WRAP53: variants seen among roughly 807,000 people sequenced by gnomAD.
WRAP53 encodes the protein telomerase Cajal body protein 1.
A neutral mutation model predicts 56.6 loss-of-function variants in WRAP53; 28 were observed. The ratio of observed to expected loss-of-function variants is 0.50; its 90% CI spans 0.37 to 0.68. WRAP53 has a LOEUF of 0.68. Ranked by LOEUF, WRAP53 falls within the 30% of genes least tolerant of loss-of-function variation. The pLI is 0.00. For synonymous variants in WRAP53, 283 were observed against 283.4 expected (o/e 1.00, Z 0.01); for missense variants, 671 against 715.5 (o/e 0.94, Z 0.71).
Position 7,697,423 on chromosome 17 carries a change from C to T in WRAP53, c.643-3318C>T, listed in dbSNP as rs77694499. 4.8e-4 allele frequency among the ~76,000 whole-genome samples: 73 copies of T among 152,198 alleles called. 2 individuals are homozygous for T. In the East Asian group the frequency reaches 0.014, roughly 29 times the overall value. On this transcript the variant is annotated intron_variant, in intron 4 of 10. Transcript: ENST00000396463. ...ACCTGTAATCCCCACTTTGGGAGGC[C>T]GAGGTAGGCAGATCACTTGAGGCTG...
chr17:7,699,139 G>T (rs943348214), intron 4 of WRAP53, among the ~76,000 whole-genome samples: 4 of 151,558 alleles, frequency 2.6e-5, no homozygotes, highest in Non-Finnish European at 5.9e-5. Context: ...ATACTCCTAG[G>T]CTGGGCGCAG....
In WRAP53 at chr17:7,700,834, G is replaced by A. The variant is rs1188651952; in HGVS notation, c.731+5G>A. On this transcript the variant is annotated splice_donor_5th_base_variant and intron_variant, in intron 5 of 10. Transcript: ENST00000396463. Reference sequence around the variant, plus strand: ...AGCCCAGCCAGACACCTCCTAGTAAGTAATGTTTGCCTCCCTGCTCGCCGC... The same window carrying A: ...AGCCCAGCCAGACACCTCCTAGTAAATAATGTTTGCCTCCCTGCTCGCCGC... 1 of 1,607,646 alleles carries A rather than the reference G, an allele frequency of 6.2e-7. No individual in the cohort carries two copies. Among genetic ancestry groups the A allele is most frequent in the Non-Finnish European group, 8.5e-7 (1 of 1,174,360 alleles).
At chr17:7,690,247 CT>C (rs1372551842) in intron 4 of WRAP53, among the ~76,000 whole-genome samples, 3 of 152,190 alleles carry the variant, frequency 2.0e-5, no homozygotes, top group Admixed American at 2.0e-4. Flanking sequence ...CCGTGCCTGG[CT>C]TATAGCTATT....
At position 7,701,371 on chromosome 17, in the gene WRAP53, C is replaced by T; in HGVS notation, c.732-88C>T. The T allele has an allele frequency of 5.5e-6, 8 of 1,457,134 alleles. No homozygotes were observed. The highest frequency in any genetic ancestry group is 6.7e-6 in the Non-Finnish European group (7 of 1,037,814). The allele number at this position is 1,457,134 out of a possible 1,614,324, so 90.3% of individuals were successfully genotyped here. Reference sequence around the variant, plus strand: ...CCACCTGCCTTGGCCTCCCAAAGTGCTGGGATTACAGGCATGAGCCACTGT... The same window carrying T: ...CCACCTGCCTTGGCCTCCCAAAGTGTTGGGATTACAGGCATGAGCCACTGT... On this transcript the variant is annotated intron_variant, in intron 5 of 10. Coordinates refer to ENST00000396463, the MANE Select transcript of WRAP53 (RefSeq NM_001143992.2). This position sits in a 1 kb window ranked among gnomAD's most constrained non-coding sequence, Gnocchi z 4.2.
At position 7,702,722 on chromosome 17, in the gene WRAP53, G is replaced by C; in HGVS notation, c.1165-21G>C. On this transcript the variant is annotated intron_variant, in intron 8 of 10. Transcript: ENST00000396463. This position sits in a 1 kb window ranked among gnomAD's most constrained non-coding sequence, Gnocchi z 5.0. The stretch of plus-strand genomic sequence containing the variant: ...ATCCAGGGCTTTGGGGGTGACTCCA[G>C]GTCCTGTTCCTTGTCTCCAGGATGC... 1 of 1,612,132 alleles carries C rather than the reference G, an allele frequency of 6.2e-7. No individual in the cohort carries two copies. Among genetic ancestry groups the C allele is most frequent in the Non-Finnish European group, 8.5e-7 (1 of 1,179,656 alleles).
At position 7,701,434 on chromosome 17, in the gene WRAP53, G is replaced by T. The variant is rs762845872; in HGVS notation, c.732-25G>T. On this transcript the variant is annotated intron_variant, in intron 5 of 10. Transcript: ENST00000396463. This position sits in a 1 kb window ranked among gnomAD's most constrained non-coding sequence, Gnocchi z 4.2. ...CTCCCCTTCCTTTGACAGCACCGGG[G>T]TTTCAGTGTCCATGTCTCTCTCAGC... The T allele has an allele frequency of 5.0e-6, 8 of 1,613,548 alleles. No homozygotes were observed. Among genetic ancestry groups the T allele is most frequent in the Non-Finnish European group, 6.8e-6 (8 of 1,179,546 alleles).
chr17:7,691,463 C>G (rs2074108499), intron 4 of WRAP53, among the ~76,000 whole-genome samples: 1 of 147,748 alleles, frequency 6.8e-6, no homozygotes, highest in African/African-American at 2.5e-5. Flanking sequence ...GATCTCGGCT[C>G]ACTGCAACCT....
Position 7,702,954 on chromosome 17 carries a change from G to T in WRAP53, c.1269-39G>T. ...GGTGTGAGGGGTTCCTGCCCCAGGG[G>T]TGAGGCCTCTGCCAGCAAATCTCTC... is the stretch of plus-strand genomic sequence containing the variant. On this transcript the variant is annotated intron_variant, in intron 9 of 10. Coordinates refer to ENST00000396463, the MANE Select transcript of WRAP53 (RefSeq NM_001143992.2). The surrounding 1 kb of genome is among the most constrained non-coding windows in gnomAD (Gnocchi z 5.0). 3.1e-6 allele frequency: 5 copies of T among 1,613,168 alleles called. No individual in the cohort carries two copies. The highest frequency in any genetic ancestry group is 1.3e-5 in the African/African-American group (1 of 75,042).
chr17:7,699,502 T>TATATATATATA (rs1567577549), intron 4 of WRAP53, among the ~76,000 whole-genome samples: 6 of 11,764 alleles, frequency 5.1e-4, no homozygotes, highest in Non-Finnish European at 7.9e-4. Flanking sequence ...ATATATATAT[T>TATATATATATA]TATATATATA....
chr17:7,697,329 A>G (rs1315953604), intron 4 of WRAP53, among the ~76,000 whole-genome samples: 2 of 150,804 alleles, frequency 1.3e-5, no homozygotes, highest in Non-Finnish European at 3.0e-5. Context: ...CCAAAAAAAA[A>G]AAAAGAAAAG....
At chr17:7,699,502 TTATATATATA>T (rs1172959796) in intron 4 of WRAP53, among the ~76,000 whole-genome samples, 1 of 11,764 alleles carries the variant, frequency 8.5e-5, no homozygotes, top group Non-Finnish European at 1.3e-4. Context: ...ATATATATAT[TTATATATATA>T]TATATATATT....
chr17:7,688,883 C>A lies in WRAP53; in HGVS notation c.235C>A (p.Leu79Met), dbSNP rs2074061272. The part of the protein sequence containing the change: ...EGDPVSLSTP[L>M]ETEFGSPSEL... ...GGACCCAGTTTCTCTCTCCACTCCC[C>A]TGGAAACAGAGTTTGGTTCCCCTAG... The change falls in exon 2 of 11, where the codon CTG (leucine) becomes ATG (methionine). Residue 79 changes from leucine to methionine, a missense_variant. This residue lies in a region of WRAP53 where 406 missense variants were observed against 418.5 expected (regional missense o/e 0.97). Transcript: ENST00000396463. 4 of 1,614,224 alleles carry A rather than the reference C, an allele frequency of 2.5e-6. No homozygotes were observed. The highest frequency in any genetic ancestry group is 3.4e-6 in the Non-Finnish European group (4 of 1,180,044).
intron 4 of WRAP53, among the ~76,000 whole-genome samples, chr17:7,699,484 ATATATATATATATATATT>A (rs1567577432): frequency 2.1e-3 from 33 of 15,952 alleles, no homozygotes; most frequent in South Asian, 3.7e-3. Context: ...ATTTATATAT[ATATATATATATATATATT>A]TATATATATA....
rs1426275910 is a variant in WRAP53 at position 7,692,418 on chromosome 17, G to A, written c.642+2717G>A. 2.1e-5 allele frequency among the ~76,000 whole-genome samples: 3 copies of A among 145,776 alleles called. No individual in the cohort carries two copies. In the Admixed American group the frequency reaches 2.1e-4, roughly 10 times the overall value. ...GTGGATCACCTGAGGTCAGGAGTTC[G>A]AGACCAGCCTGGCCAACATGATGAA... is the stretch of plus-strand genomic sequence containing the variant. On this transcript the variant is annotated intron_variant, in intron 4 of 10. Coordinates refer to ENST00000396463, the MANE Select transcript of WRAP53 (RefSeq NM_001143992.2).
chr17:7,694,472 A>AC (rs2074155979), intron 4 of WRAP53, among the ~76,000 whole-genome samples: 1 of 151,914 alleles, frequency 6.6e-6, no homozygotes, highest in African/African-American at 2.4e-5. Flanking sequence ...CAAACTCCCG[A>AC]CCTCAAGTGA....
chr17:7,689,339 G>A lies in WRAP53; in HGVS notation c.530+17G>A, dbSNP rs761263963. Reference sequence around the variant, plus strand: ...CTGTAAGTGGTAAGGATAACAACGGGGCAGGGAGCTGACCACCCCCGAGAT... The same window carrying A: ...CTGTAAGTGGTAAGGATAACAACGGAGCAGGGAGCTGACCACCCCCGAGAT... On this transcript the variant is annotated intron_variant, in intron 3 of 10. Transcript: ENST00000396463. 47 of 1,611,864 alleles carry A rather than the reference G, an allele frequency of 2.9e-5. 1 individual carries two copies. Among genetic ancestry groups the A allele is most frequent in the Non-Finnish European group, 2.9e-5 (34 of 1,178,888 alleles).
At chr17:7,686,705 A>G (rs1023420140), upstream of WRAP53, 1 of 152,310 alleles carries the variant, frequency 6.6e-6, no homozygotes, top group South Asian at 2.1e-4. Context: ...GAGCCAAACA[A>G]TAACAGGGCT....
intron 4 of WRAP53, among the ~76,000 whole-genome samples, chr17:7,691,233 CAAACAA>C (rs1273318660): frequency 1.4e-5 from 2 of 144,588 alleles, no homozygotes; most frequent in Non-Finnish European, 3.0e-5. Flanking sequence ...AACAAACAAA[CAAACAA>C]ACAAACACAA....
intron 4 of WRAP53, among the ~76,000 whole-genome samples, chr17:7,696,403 A>G (rs1013035941): frequency 2.1e-4 from 29 of 139,366 alleles, no homozygotes; most frequent in East Asian, 1.1e-3. Flanking sequence ...GGTTCACGCC[A>G]TTCTCCTGCC....
Sources: allele counts gnomAD v4.1 joint callset (sites outside exome capture counted in the v4.1 genomes callset), GRCh38; gene constraint gnomAD v4.1.1; regional missense constraint gnomAD v4.1.1; non-coding constraint Gnocchi (gnomAD v3.1); transcripts MANE v1.5; gene names NCBI Gene and HGNC (gene_info 2026-07-23, HGNC 2026-07-21).